Variants in FAF1 observed in about 807,000 individuals in gnomAD.
FAF1 encodes the protein FAS-associated factor 1.
FAF1 carries 25 observed loss-of-function variants against 92.5 expected under a neutral mutation model. That is an observed-to-expected ratio of 0.27 (90% CI 0.20 to 0.38). The LOEUF (loss-of-function observed/expected upper bound fraction) is 0.38. FAF1 is among the 10% of genes least tolerant of loss of function. The probability of loss-of-function intolerance (pLI) is 1.00; values close to 1 mark genes in which losing one functional copy is unlikely to be tolerated. For missense variants in FAF1, 636 were observed against 793.3 expected (o/e 0.80, Z 2.38); for synonymous variants, 234 against 273.2 (o/e 0.86, Z 1.42).
At chr1:50,452,260 G>A in intron 18 of FAF1, 1 of 769,522 alleles carries the variant, frequency 1.3e-6, no homozygotes, top group Non-Finnish European at 1.9e-6. Context: ...CAAGCTCATT[G>A]CCCCTGAAAG....
intron 2 of FAF1, among the ~76,000 whole-genome samples, chr1:50,848,731 A>G (rs1644323601): frequency 6.6e-6 from 1 of 152,164 alleles, no homozygotes; most frequent in South Asian, 2.1e-4. Flanking sequence ...CTCTCATGAA[A>G]AAACATCAGA....
At chr1:50,841,392 G>C (rs991571986) in intron 2 of FAF1, among the ~76,000 whole-genome samples, 4 of 151,984 alleles carry the variant, frequency 2.6e-5, no homozygotes, top group African/African-American at 9.7e-5. Context: ...AAAAAGACTA[G>C]AAGGAAACAT....
intron 13 of FAF1, among the ~76,000 whole-genome samples, chr1:50,561,951 A>G (rs754898506): frequency 6.6e-5 from 10 of 152,220 alleles, no homozygotes; most frequent in Non-Finnish European, 1.2e-4. Flanking sequence ...CTGACAACCT[A>G]GCAGGGAGAT....
chr1:50,449,202 T>A (rs1646264135), intron 18 of FAF1, among the ~76,000 whole-genome samples: 1 of 152,182 alleles, frequency 6.6e-6, no homozygotes, highest in Non-Finnish European at 1.5e-5. Context: ...TATCTAAACG[T>A]TAAAGCTATC....
intron 12 of FAF1, among the ~76,000 whole-genome samples, chr1:50,570,971 A>C (rs1170851626): frequency 6.6e-6 from 1 of 152,210 alleles, no homozygotes; most frequent in East Asian, 1.9e-4. Flanking sequence ...AAAACGAGTA[A>C]GAAAATGTTT....
intron 7 of FAF1, among the ~76,000 whole-genome samples, chr1:50,694,026 T>TATACATGACATATATGACATATACATGAC (rs1323880228): frequency 2.0e-5 from 3 of 148,758 alleles, no homozygotes; most frequent in African/African-American, 7.8e-5. Context: ...ATATATGACA[T>TATACATGACATATATGACATATACATGAC]ATATATGACA....
intron 1 of FAF1, among the ~76,000 whole-genome samples, chr1:50,937,923 C>T (rs4926873): frequency 0.52 from 79,690 of 152,038 alleles, 22,559 homozygotes; most frequent in East Asian, 0.83. Context: ...TCTCTGTATT[C>T]CTTACATCCT....
intron 4 of FAF1, among the ~76,000 whole-genome samples, chr1:50,749,283 A>G (rs1659751052): frequency 6.6e-6 from 1 of 152,108 alleles, no homozygotes; most frequent in African/African-American, 2.4e-5. Context: ...ACCTGACACC[A>G]CCTTCTTACA....
intron 6 of FAF1, among the ~76,000 whole-genome samples, chr1:50,730,467 T>C (rs1282420061): frequency 6.6e-6 from 1 of 152,184 alleles, no homozygotes; most frequent in African/African-American, 2.4e-5. Context: ...CTGTCATTAA[T>C]TTCTGCTCTT....
chr1:50,511,230 T>C (rs1647129997), intron 15 of FAF1, among the ~76,000 whole-genome samples: 1 of 152,150 alleles, frequency 6.6e-6, no homozygotes, highest in Non-Finnish European at 1.5e-5. Context: ...TTAAATTACT[T>C]TTAATTATTT....
At chr1:50,814,409 T>C (rs1236305433) in intron 2 of FAF1, among the ~76,000 whole-genome samples, 1 of 152,142 alleles carries the variant, frequency 6.6e-6, no homozygotes, top group African/African-American at 2.4e-5. Context: ...AAATGTTGTT[T>C]TGGATATATC....
intron 6 of FAF1, among the ~76,000 whole-genome samples, chr1:50,714,841 G>A (rs750727902): frequency 1.6e-4 from 24 of 152,152 alleles, no homozygotes; most frequent in Non-Finnish European, 3.4e-4. Flanking sequence ...GAGCCCCTGG[G>A]CAGACAGACA....
intron 4 of FAF1, among the ~76,000 whole-genome samples, chr1:50,776,251 G>A (rs1660955910): frequency 6.6e-6 from 1 of 152,048 alleles, no homozygotes; most frequent in Non-Finnish European, 1.5e-5. Flanking sequence ...GCTGTCATTC[G>A]GTTTGAAAAC....
At chr1:50,769,990 G>A (rs956700215) in intron 4 of FAF1, among the ~76,000 whole-genome samples, 2 of 152,194 alleles carry the variant, frequency 1.3e-5, no homozygotes, top group Non-Finnish European at 2.9e-5. Flanking sequence ...GGCGGACGTT[G>A]CAGTGAGCCG....
intron 8 of FAF1, among the ~76,000 whole-genome samples, chr1:50,645,868 T>C (rs1654554588): frequency 6.6e-6 from 1 of 151,614 alleles, no homozygotes; most frequent in Admixed American, 6.6e-5. Flanking sequence ...TAAATCGGTG[T>C]GAATGTGTCC....
At chr1:50,942,053 A>C (rs965127982) in intron 1 of FAF1, among the ~76,000 whole-genome samples, 1 of 152,186 alleles carries the variant, frequency 6.6e-6, no homozygotes, top group Non-Finnish European at 1.5e-5. Context: ...CACCCTTGTT[A>C]CTATCTGTCA....
chr1:50,765,115 CA>C (rs1660514219), intron 4 of FAF1, among the ~76,000 whole-genome samples: 1 of 152,088 alleles, frequency 6.6e-6, no homozygotes, highest in Non-Finnish European at 1.5e-5. Flanking sequence ...GGCATAGTGA[CA>C]AGAAGGCTAC....
At chr1:50,743,774 GA>G (rs1043984295) in intron 5 of FAF1, among the ~76,000 whole-genome samples, 19 of 151,528 alleles carry the variant, frequency 1.3e-4, no homozygotes, top group Non-Finnish European at 1.2e-4. Context: ...CTCTCTGGAA[GA>G]AAAAAAAGTG....
chr1:50,714,249 T>A (rs549493128), intron 6 of FAF1, among the ~76,000 whole-genome samples: 50 of 151,230 alleles, frequency 3.3e-4, no homozygotes, highest in African/African-American at 1.2e-3. Flanking sequence ...ACGCCTGTAA[T>A]CCTAGCACTT....
Sources: allele counts gnomAD v4.1 joint callset (sites outside exome capture counted in the v4.1 genomes callset), GRCh38; gene constraint gnomAD v4.1.1; transcripts MANE v1.5; gene names NCBI Gene and HGNC (gene_info 2026-07-23, HGNC 2026-07-21).